Variants in HAUS7 observed in about 807,000 individuals in gnomAD.
The protein encoded by HAUS7 is HAUS augmin like complex subunit 7.
A neutral mutation model predicts 28.4 loss-of-function variants in HAUS7; 3 were observed. The ratio of observed to expected loss-of-function variants is 0.11; its 90% CI spans 0.05 to 0.27. HAUS7 has a LOEUF of 0.27. HAUS7 is among the 10% of genes least tolerant of loss of function. The pLI, the probability that HAUS7 is intolerant of heterozygous loss-of-function variation, is 1.00. For missense variants in HAUS7, 284 were observed against 297.3 expected (o/e 0.96, Z 0.33); for synonymous variants, 165 against 132.1 (o/e 1.25, Z -1.71).
At chrX:153,466,290 G>A (rs1305850176) in intron 2 of HAUS7, among the ~76,000 whole-genome samples, 6 of 112,723 alleles carry the variant, frequency 5.3e-5, no homozygotes, top group African/African-American at 1.9e-4. Context: ...TGCAAGGGCG[G>A]GCACAGTAAA....
chrX:153,471,209 C>T (rs956695808), upstream of HAUS7: 48 of 250,412 alleles, frequency 1.9e-4, 1 homozygote, highest in African/African-American at 1.3e-3. Flanking sequence ...GTTACCTAAC[C>T]TCTCTGTGCC....
intron 1 of HAUS7, among the ~76,000 whole-genome samples, chrX:153,469,915 G>T (rs1219345466): frequency 9.0e-6 from 1 of 111,101 alleles, no homozygotes; most frequent in Non-Finnish European, 1.9e-5. Context: ...TGTCTGGGGG[G>T]AGGAGCGAGC....
Position 153,483,493 on chromosome X carries a change from G to A in HAUS7, c.-589+11881C>T, listed in dbSNP as rs1300796558. On this transcript the variant is annotated intron_variant, in intron 1 of 5. Transcript: ENST00000370210. ...GCCCCAATGGGCATTCGGAGGCAGA[G>A]AGCAAGGATGGCCCAGAGCAGCCCC... 30 of 749,597 alleles carry A rather than the reference G, an allele frequency of 4.0e-5. No individual in the cohort carries two copies. The Admixed American group carries it at 2.1e-3, about 54-fold the overall frequency. The allele number at this position is 749,597 out of a possible 1,213,427, so 61.8% of individuals were successfully genotyped here.
intron 1 of HAUS7, among the ~76,000 whole-genome samples, chrX:153,492,372 C>T (rs1290590419): frequency 9.0e-6 from 1 of 111,471 alleles, no homozygotes; most frequent in Non-Finnish European, 1.9e-5. Flanking sequence ...CCTGTCTGGT[C>T]TGGGAGTGGC....
intron 1 of HAUS7, among the ~76,000 whole-genome samples, chrX:153,476,920 G>A (rs1238966101): frequency 2.7e-5 from 3 of 112,549 alleles, no homozygotes; most frequent in East Asian, 2.8e-4. Context: ...GAAACTTGCC[G>A]GGAGCCTCTG....
intron 2 of HAUS7, among the ~76,000 whole-genome samples, chrX:153,467,782 G>C (rs1262017304): frequency 8.9e-6 from 1 of 112,844 alleles, no homozygotes; most frequent in Non-Finnish European, 1.9e-5. Flanking sequence ...CCATACTAAA[G>C]AGCCGGAAAT....
At chrX:153,452,374 G>A (rs978115963) in intron 9 of HAUS7, among the ~76,000 whole-genome samples, 3 of 112,161 alleles carry the variant, frequency 2.7e-5, no homozygotes, top group Non-Finnish European at 5.6e-5. Flanking sequence ...ATAAAAATGT[G>A]TACCAATGTA....
chrX:153,464,337 CT>C (rs1556983941), intron 3 of HAUS7, among the ~76,000 whole-genome samples: 1 of 112,798 alleles, frequency 8.9e-6, no homozygotes, highest in African/African-American at 3.2e-5. Flanking sequence ...AGCCCACCGG[CT>C]GCTCTAAAAC....
chrX:153,452,815 T>C (rs3020964), intron 9 of HAUS7, among the ~76,000 whole-genome samples: 9,536 of 111,250 alleles, frequency 0.086, 941 homozygotes, highest in African/African-American at 0.28. Context: ...AAACCCCATC[T>C]GTACTTAAAA....
intron 1 of HAUS7, among the ~76,000 whole-genome samples, chrX:153,484,569 G>A (rs2089623328): frequency 9.0e-6 from 1 of 111,398 alleles, no homozygotes; most frequent in Non-Finnish European, 1.9e-5. Flanking sequence ...AGGCAGGGTG[G>A]GGCCGCAGTG....
chrX:153,456,161 G>A, intron 7 of HAUS7, 104 bp downstream of exon 7: 2 of 602,348 alleles, frequency 3.3e-6, no homozygotes, highest in Non-Finnish European at 5.6e-6. Context: ...GAACATGTCA[G>A]GCCCGGTGCA....
intron 2 of HAUS7, among the ~76,000 whole-genome samples, chrX:153,467,751 G>A (rs2089471441): frequency 8.9e-6 from 1 of 112,656 alleles, no homozygotes; most frequent in Non-Finnish European, 1.9e-5. Flanking sequence ...CCGACTGCAC[G>A]GCCACACCAT....
At chrX:153,462,151 G>C in intron 4 of HAUS7, 1 of 1,030,112 alleles carries the variant, frequency 9.7e-7, no homozygotes. Context: ...TAATCATCGA[G>C]TGAAAACAAT....
At chrX:153,470,577 G>A, upstream of HAUS7, 2 of 1,204,591 alleles carry the variant, frequency 1.7e-6, no homozygotes, top group Non-Finnish European at 2.2e-6. Flanking sequence ...TCCGAGCCGC[G>A]CCCCGCCCAT....
intron 4 of HAUS7, among the ~76,000 whole-genome samples, chrX:153,458,866 C>T (rs1328347291): frequency 8.9e-6 from 1 of 112,023 alleles, no homozygotes; most frequent in African/African-American, 3.2e-5. Flanking sequence ...CTATGTGATC[C>T]TCCCGCCTCA....
At chrX:153,469,988 G>A (rs1182047482) in intron 1 of HAUS7, among the ~76,000 whole-genome samples, 1 of 111,402 alleles carries the variant, frequency 9.0e-6, no homozygotes, top group African/African-American at 3.3e-5. Flanking sequence ...CTGCTGCAGT[G>A]AGGGCTCTGT....
At chrX:153,466,763 A>G (rs2089459983) in intron 2 of HAUS7, among the ~76,000 whole-genome samples, 1 of 112,339 alleles carries the variant, frequency 8.9e-6, no homozygotes, top group Non-Finnish European at 1.9e-5. Context: ...GAAGTACTAC[A>G]GGTTGAATAT....
chrX:153,481,891 TGGATCCCCGA>T (rs1556987393), intron 1 of HAUS7: 1 of 752,907 alleles, frequency 1.3e-6, no homozygotes, highest in African/African-American at 2.3e-5. Flanking sequence ...AAGAACAAGC[TGGATCCCCGA>T]GGCCTGCACC....
At position 153,470,507 on chromosome X, in the gene HAUS7, C is replaced by T. The variant is rs1287962635; in HGVS notation, c.51G>A (p.Glu17=). 19 of 1,204,265 alleles carry T rather than the reference C, an allele frequency of 1.6e-5. No homozygotes were observed. The highest frequency in any genetic ancestry group is 4.6e-4 in the Middle Eastern group (2 of 4,346). The change falls in exon 1 of 10, where the codon GAG becomes GAA. Residue 17 remains glutamate (E), a synonymous_variant. Transcript: ENST00000370211. ...TGGACACGCTGCTGTCGCCCTCGTC[C>T]TCTGAGTAGTCGTCGCCGCCACGGC... ...GCGRGGDDYS[E]DEGDSSVSRA...
Sources: gnomAD v4.1 joint callset for allele counts (sites outside exome capture counted in the v4.1 genomes callset) on GRCh38, gnomAD v4.1.1 for gene constraint, MANE v1.5 for transcripts, NCBI Gene and HGNC (gene_info 2026-07-23, HGNC 2026-07-21) for gene names.